The following ZMAT4 variants were observed in gnomAD, a reference collection of about 807,000 sequenced individuals.
ZMAT4 encodes zinc finger matrin-type protein 4.
A neutral mutation model predicts 28.7 loss-of-function variants in ZMAT4; 17 were observed. The ratio of observed to expected loss-of-function variants is 0.59; its 90% CI spans 0.41 to 0.89. ZMAT4 has a LOEUF of 0.89. Ranked by LOEUF, ZMAT4 falls within the 40% of genes least tolerant of loss-of-function variation. The pLI, the probability that ZMAT4 is intolerant of heterozygous loss-of-function variation, is 0.00. For synonymous variants in ZMAT4, 117 were observed against 109.2 expected (o/e 1.07, Z -0.44); for missense variants, 240 against 283.8 (o/e 0.85, Z 1.11).
intron 2 of ZMAT4, among the ~76,000 whole-genome samples, chr8:40,791,346 A>C (rs573889145): frequency 2.5e-4 from 38 of 152,338 alleles, no homozygotes; most frequent in Non-Finnish European, 4.7e-4. Flanking sequence ...AAAGTACTTA[A>C]GCCTGGGAAA....
At chr8:40,755,785 T>C (rs111563743) in intron 3 of ZMAT4, among the ~76,000 whole-genome samples, 1 of 152,214 alleles carries the variant, frequency 6.6e-6, no homozygotes, top group Non-Finnish European at 1.5e-5. Flanking sequence ...AGCCATGATA[T>C]ACCCTTCTTC....
chr8:40,713,031 T>C (rs1281234541), intron 3 of ZMAT4, among the ~76,000 whole-genome samples: 1 of 151,624 alleles, frequency 6.6e-6, no homozygotes, highest in Non-Finnish European at 1.5e-5. Context: ...AAATCAAAAA[T>C]GAGAAGTGGT....
intron 3 of ZMAT4, among the ~76,000 whole-genome samples, chr8:40,721,977 G>A (rs1198513959): frequency 1.3e-5 from 2 of 151,800 alleles, no homozygotes; most frequent in Admixed American, 1.3e-4. Flanking sequence ...CCATATGTAG[G>A]AAGCTGAAAC....
At chr8:40,858,156 T>A (rs1817362217) in intron 1 of ZMAT4, among the ~76,000 whole-genome samples, 1 of 152,154 alleles carries the variant, frequency 6.6e-6, no homozygotes, top group Non-Finnish European at 1.5e-5. Context: ...TAGACCTCAA[T>A]ACTTTTTTCA....
At chr8:40,568,398 ACTT>A (rs1337574801) in intron 6 of ZMAT4, among the ~76,000 whole-genome samples, 1 of 152,148 alleles carries the variant, frequency 6.6e-6, no homozygotes, top group Non-Finnish European at 1.5e-5. Flanking sequence ...TTCCTGGATC[ACTT>A]CTTCTATCCC....
chr8:40,646,067 A>G (rs1807297102), intron 5 of ZMAT4, among the ~76,000 whole-genome samples: 1 of 152,022 alleles, frequency 6.6e-6, no homozygotes, highest in Non-Finnish European at 1.5e-5. Flanking sequence ...AATATATATT[A>G]TAAACCATTA....
chr8:40,889,310 C>T (rs938376268), intron 1 of ZMAT4, among the ~76,000 whole-genome samples: 2 of 152,210 alleles, frequency 1.3e-5, no homozygotes, highest in African/African-American at 4.8e-5. Context: ...TTCACGTGAG[C>T]GTTTATCTTC....
intron 2 of ZMAT4, among the ~76,000 whole-genome samples, chr8:40,815,945 C>G (rs16889968): frequency 0.032 from 4,799 of 152,240 alleles, 249 homozygotes; most frequent in East Asian, 0.21. Context: ...TTTGCCAAAA[C>G]CACTCCCTTT....
chr8:40,650,522 T>A (rs978088310), intron 5 of ZMAT4, among the ~76,000 whole-genome samples: 10 of 132,382 alleles, frequency 7.6e-5, no homozygotes, highest in African/African-American at 2.7e-4. Context: ...TACCATTCCT[T>A]CTGAAATTAT....
chr8:40,722,367 G>A (rs569783332), intron 3 of ZMAT4, among the ~76,000 whole-genome samples: 6 of 152,302 alleles, frequency 3.9e-5, no homozygotes, highest in African/African-American at 9.6e-5. Flanking sequence ...CAGGCCATGC[G>A]ACTGTAATTT....
chr8:40,713,761 T>A (rs1810725607), intron 3 of ZMAT4, among the ~76,000 whole-genome samples: 1 of 151,474 alleles, frequency 6.6e-6, no homozygotes, highest in South Asian at 2.1e-4. Flanking sequence ...ACACAAAAAT[T>A]AGCCTGGTGT....
At chr8:40,616,054 A>G (rs549371084) in intron 5 of ZMAT4, among the ~76,000 whole-genome samples, 1 of 152,222 alleles carries the variant, frequency 6.6e-6, no homozygotes, top group African/African-American at 2.4e-5. Context: ...AAAGCAAACA[A>G]CCCCATCAAA....
chr8:40,775,384 G>A (rs887881259), intron 2 of ZMAT4, among the ~76,000 whole-genome samples: 2 of 152,190 alleles, frequency 1.3e-5, no homozygotes. Flanking sequence ...AGTCCTAAGC[G>A]GCATTGCCCA....
intron 1 of ZMAT4, among the ~76,000 whole-genome samples, chr8:40,828,487 G>C (rs1040238297): frequency 5.9e-5 from 9 of 152,022 alleles, no homozygotes. Context: ...AGGCCCGTAG[G>C]AGTCTGAGTC....
At chr8:40,598,175 C>T (rs1805165710) in intron 5 of ZMAT4, among the ~76,000 whole-genome samples, 1 of 152,106 alleles carries the variant, frequency 6.6e-6, no homozygotes, top group Middle Eastern at 3.2e-3. Flanking sequence ...AAGTAATGCA[C>T]AATGTGTATA....
intron 3 of ZMAT4, among the ~76,000 whole-genome samples, chr8:40,745,736 T>G (rs1366167055): frequency 1.3e-5 from 2 of 152,192 alleles, no homozygotes; most frequent in Non-Finnish European, 2.9e-5. Flanking sequence ...GATGGATTTC[T>G]CCTACGCCTA....
chr8:40,656,478 CA>C (rs1807927663), intron 5 of ZMAT4, among the ~76,000 whole-genome samples: 1 of 152,074 alleles, frequency 6.6e-6, no homozygotes, highest in Non-Finnish European at 1.5e-5. Flanking sequence ...TATATCCACA[CA>C]AAAACTTTTC....
rs1037647822 is a variant in ZMAT4 at position 40,530,814 on chromosome 8, G to A, written c.*1409C>T. 7.2e-5 allele frequency: 11 copies of A among 152,718 alleles called. No individual in the cohort carries two copies. Among genetic ancestry groups the A allele is most frequent in the Admixed American group, 6.5e-4 (10 of 15,288 alleles). The allele number at this position is 152,718 out of a possible 1,614,324, so 9.5% of individuals were successfully genotyped here. ...TCGTCTCTCTGCAGGCACAGAAACT[G>A]GCAGACCTGGTCCCTCCTGAGCGGG... On this transcript the variant is annotated 3_prime_UTR_variant, in exon 7 of 7. Transcript: ENST00000297737.
At chr8:40,825,143 G>A (rs955011892) in intron 2 of ZMAT4, among the ~76,000 whole-genome samples, 2 of 151,876 alleles carry the variant, frequency 1.3e-5, no homozygotes, top group African/African-American at 4.8e-5. Context: ...GCCCACGGCT[G>A]CTTCATTACT....
Sources: allele counts gnomAD v4.1 joint callset (sites outside exome capture counted in the v4.1 genomes callset), GRCh38; gene constraint gnomAD v4.1.1; transcripts MANE v1.5; gene names NCBI Gene and HGNC (gene_info 2026-07-23, HGNC 2026-07-21).